The following KDM4B variants were observed in gnomAD, a reference collection of about 807,000 sequenced individuals.
KDM4B encodes the protein lysine-specific demethylase 4B.
In KDM4B, 32 loss-of-function variants were observed where a neutral mutation model predicts 125.2. That is an observed-to-expected ratio of 0.26 (90% CI 0.19 to 0.34). The LOEUF is 0.34. Among genes scored for constraint, KDM4B ranks in the 10% least tolerant of loss-of-function variants. KDM4B has a pLI of 1.00. For synonymous variants in KDM4B, 721 were observed against 677.9 expected, an observed-to-expected ratio of 1.06 and a Z score of -0.99; for missense variants, 1,190 against 1,577.7, an observed-to-expected ratio of 0.75 and a Z score of 4.16.
intron 2 of KDM4B, among the ~76,000 whole-genome samples, chr19:5,030,454 GA>G (rs1288478341): frequency 1.3e-5 from 2 of 152,226 alleles, no homozygotes; most frequent in African/African-American, 4.8e-5. Context: ...CTGGAGGTCA[GA>G]GCCTGCAGAG....
At chr19:5,040,772 C>A (rs180970476) in intron 4 of KDM4B, among the ~76,000 whole-genome samples, 1 of 152,228 alleles carries the variant, frequency 6.6e-6, no homozygotes, top group African/African-American at 2.4e-5. Context: ...CCTGGTCTGT[C>A]CTGCTCACCC....
At chr19:5,137,199 T>C (rs2146080045) in intron 15 of KDM4B, 63 bp from the exon 16 acceptor site, 1 of 1,285,236 alleles carries the variant, frequency 7.8e-7, no homozygotes, top group Non-Finnish European at 1.1e-6. Context: ...CCCCCTGAGT[T>C]TCACTCGGCT....
In KDM4B at chr19:5,110,605, C is replaced by A; in HGVS notation, c.919-17C>A. 6.2e-7 allele frequency: 1 copy of A among 1,612,526 alleles called. No homozygotes were observed. The highest frequency in any genetic ancestry group is 1.7e-4 in the Middle Eastern group (1 of 6,038). On this transcript the variant is annotated splice_polypyrimidine_tract_variant and intron_variant, in intron 9 of 22. Transcript: ENST00000159111. ...CCAGGTGTGGCGCGAGGGCTCAGAC[C>A]GTGTCCCCTGCCGCAGTGCACGTGC...
intron 6 of KDM4B, among the ~76,000 whole-genome samples, chr19:5,061,249 C>T (rs535835489): frequency 6.6e-6 from 1 of 152,242 alleles, no homozygotes; most frequent in African/African-American, 2.4e-5. Context: ...CCATCCCAGG[C>T]TCCCCATCTT....
At chr19:5,095,209 T>A (rs2038796330) in intron 9 of KDM4B, among the ~76,000 whole-genome samples, 1 of 152,162 alleles carries the variant, frequency 6.6e-6, no homozygotes, top group African/African-American at 2.4e-5. Flanking sequence ...TCCTCAATGT[T>A]CCGCCCTGGT....
At chr19:4,987,370 G>A (rs2034873520) in intron 1 of KDM4B, among the ~76,000 whole-genome samples, 1 of 152,208 alleles carries the variant, frequency 6.6e-6, no homozygotes. Context: ...TTAGGGTGAA[G>A]GGGCTTATCA....
rs186492065 is a variant in KDM4B, at chr19:4,972,825, C to T, written c.-109+3595C>T. On this transcript the variant is annotated intron_variant, in intron 1 of 22. Coordinates refer to ENST00000159111, the MANE Select transcript of KDM4B (RefSeq NM_015015.3). Reference sequence around the variant, plus strand: ...AGGTTCTCCGTGACTGTCCTTCTGCCCTTCCAGGGTGGCAGCTTCCACCTG... The same window carrying T: ...AGGTTCTCCGTGACTGTCCTTCTGCTCTTCCAGGGTGGCAGCTTCCACCTG... 4.9e-3 allele frequency among the ~76,000 whole-genome samples: 747 copies of T among 152,316 alleles called. 7 individuals are homozygous for T. Among genetic ancestry groups the T allele is most frequent in the African/African-American group, 0.017 (720 of 41,566 alleles).
At chr19:5,131,694 T>C in intron 12 of KDM4B, 149 bp downstream of exon 12, 1 of 338,028 alleles carries the variant, frequency 3.0e-6, no homozygotes, top group African/African-American at 5.6e-5. Context: ...CACAGGGAAC[T>C]GTGGCTCTTC....
chr19:5,103,619 TC>T lies in KDM4B; in HGVS notation c.919-7000del, dbSNP rs1300786622. 1.3e-5 allele frequency among the ~76,000 whole-genome samples: 2 copies of T among 152,096 alleles called. 1 individual carries two copies. Among genetic ancestry groups the T allele is most frequent in the Non-Finnish European group, 2.9e-5 (2 of 68,014 alleles). On this transcript the variant is annotated intron_variant, in intron 9 of 22. Coordinates refer to ENST00000159111, the MANE Select transcript of KDM4B (RefSeq NM_015015.3). ...GTCCCCTGAACTCGACGGCCATCAA[TC>T]CCGGGCCTGTCATTTGCAAGCAGCT...
chr19:5,095,207 G>A (rs896156552), intron 9 of KDM4B, among the ~76,000 whole-genome samples: 10 of 152,214 alleles, frequency 6.6e-5, no homozygotes, highest in African/African-American at 9.7e-5. Context: ...TGTCCTCAAT[G>A]TTCCGCCCTG....
chr19:5,005,184 A>G (rs568982982), intron 1 of KDM4B, among the ~76,000 whole-genome samples: 50 of 152,280 alleles, frequency 3.3e-4, no homozygotes, highest in African/African-American at 9.9e-4. Context: ...CTGTCACCCC[A>G]TGACATCTGA....
Position 5,135,517 on chromosome 19 carries a change from G to A in KDM4B, c.2264G>A (p.Ser755Asn). The A allele has an allele frequency of 6.2e-7, 1 of 1,610,266 alleles. No homozygotes were observed. Among genetic ancestry groups the A allele is most frequent in the Non-Finnish European group, 8.5e-7 (1 of 1,179,142 alleles). Residue 755 changes from serine (S) to asparagine (N), a missense_variant, in exon 15 of 23, where the codon AGC becomes AAC. Physicochemically the swap from Ser to Asn is conservative, Grantham distance 46. This residue lies in a region of KDM4B where 298 missense variants were observed against 439.7 expected (regional missense o/e 0.68). Coordinates refer to ENST00000159111, the MANE Select transcript of KDM4B (RefSeq NM_015015.3). ...TCCTACATCGGCGACGACGGGACCA[G>A]CCCCCTGATCGCCTGCGGCAAGTGC... ...ANSYIGDDGT[S>N]PLIACGKCCL...
At chr19:5,028,926 T>C (rs1423348241) in intron 2 of KDM4B, among the ~76,000 whole-genome samples, 1 of 152,142 alleles carries the variant, frequency 6.6e-6, no homozygotes, top group East Asian at 1.9e-4. Flanking sequence ...TTTTTAGACA[T>C]GGTTTCGCTC....
At chr19:5,038,339 G>C (rs1465521547) in intron 3 of KDM4B, among the ~76,000 whole-genome samples, 2 of 152,232 alleles carry the variant, frequency 1.3e-5, no homozygotes, top group East Asian at 3.9e-4. Context: ...ACCCCCACCA[G>C]AGGAGGGAAC....
At chr19:4,983,778 A>G (rs2034732638) in intron 1 of KDM4B, among the ~76,000 whole-genome samples, 1 of 152,210 alleles carries the variant, frequency 6.6e-6, no homozygotes, top group African/African-American at 2.4e-5. Flanking sequence ...AGGCGGCTTC[A>G]AAGGGCTTGA....
chr19:5,149,693 C>T (rs1036577660), intron 21 of KDM4B, among the ~76,000 whole-genome samples: 3 of 152,190 alleles, frequency 2.0e-5, no homozygotes, highest in African/African-American at 4.8e-5. Flanking sequence ...AGAGTCTCCG[C>T]GAGCCTGAGC....
At chr19:5,075,002 A>C (rs1439347541) in intron 7 of KDM4B, 1 of 152,384 alleles carries the variant, frequency 6.6e-6, no homozygotes, top group Non-Finnish European at 1.5e-5. Flanking sequence ...CTCTACCGTC[A>C]CAGGGCAGGG....
chr19:4,972,801 GGTTCTCC>G (rs1176642888), intron 1 of KDM4B, among the ~76,000 whole-genome samples: 3 of 152,218 alleles, frequency 2.0e-5, no homozygotes, highest in Non-Finnish European at 2.9e-5. Context: ...TGGTTGTTCA[GGTTCTCC>G]GTGACTGTCC....
rs1485857597 is a variant in KDM4B at position 5,142,140 on chromosome 19, C to T, written c.2551-1827C>T. On this transcript the variant is annotated intron_variant, in intron 18 of 22. Transcript: ENST00000159111. The surrounding 1 kb of genome is among the most constrained non-coding windows in gnomAD (Gnocchi z 5.4). ...GACCTCTGAAGCCCACCCGCGTCGTCCTCACAGCCCTGTGGCCTCCGAGGA... is the reference window on the plus strand; with the variant it reads ...GACCTCTGAAGCCCACCCGCGTCGTTCTCACAGCCCTGTGGCCTCCGAGGA... Among the ~76,000 whole-genome samples, 1 of 152,190 alleles carries T rather than the reference C, an allele frequency of 6.6e-6. No individual in the cohort carries two copies.
Sources: allele counts gnomAD v4.1 joint callset (sites outside exome capture counted in the v4.1 genomes callset), GRCh38; gene constraint gnomAD v4.1.1; regional missense constraint gnomAD v4.1.1; non-coding constraint Gnocchi (gnomAD v3.1); transcripts MANE v1.5; gene names NCBI Gene and HGNC (gene_info 2026-07-23, HGNC 2026-07-21).